CDH13: variants seen among roughly 807,000 people sequenced by gnomAD.
The protein encoded by CDH13 is cadherin 13.
A neutral mutation model predicts 63.8 loss-of-function variants in CDH13; 24 were observed. The ratio of observed to expected loss-of-function variants is 0.38; its 90% confidence interval spans 0.27 to 0.53. The LOEUF (loss-of-function observed/expected upper bound fraction) is 0.53. CDH13 is among the 20% of genes least tolerant of loss of function. The pLI is 0.85. For missense variants in CDH13, 1,049 were observed against 903.1 expected (o/e 1.16, Z -2.07); for synonymous variants, 503 against 355.3 (o/e 1.42, Z -4.67).
At chr16:82,928,102 C>G (rs1256760193) in intron 2 of CDH13, among the ~76,000 whole-genome samples, 4 of 152,012 alleles carry the variant, frequency 2.6e-5, no homozygotes, top group African/African-American at 9.7e-5. Context: ...GAACTATGAT[C>G]ATACCATTTG....
chr16:83,673,870 A>C (rs1567505686), intron 9 of CDH13, among the ~76,000 whole-genome samples: 2 of 152,140 alleles, frequency 1.3e-5, no homozygotes, highest in Non-Finnish European at 2.9e-5. Context: ...CTCCCTGCAA[A>C]TTCCAGGGGA....
At chr16:83,779,836 C>G (rs556042954) in intron 11 of CDH13, 132 bp from the exon 12 acceptor site, 1 of 632,434 alleles carries the variant, frequency 1.6e-6, no homozygotes, top group African/African-American at 1.8e-5. Context: ...CCAGTCTGGG[C>G]GATAGAGTGA....
At chr16:83,108,964 C>A (rs540868087) in intron 3 of CDH13, among the ~76,000 whole-genome samples, 1 of 152,182 alleles carries the variant, frequency 6.6e-6, no homozygotes, top group South Asian at 2.1e-4. Context: ...CCCTTCCCCT[C>A]CCTGCCTCAC....
intron 11 of CDH13, among the ~76,000 whole-genome samples, chr16:83,759,647 C>G (rs1401491757): frequency 2.6e-5 from 4 of 152,054 alleles, no homozygotes; most frequent in Non-Finnish European, 5.9e-5. Context: ...TGCTGCAGGC[C>G]TGGTACAGTG....
intron 3 of CDH13, among the ~76,000 whole-genome samples, chr16:83,098,571 A>G (rs922227811): frequency 3.9e-5 from 6 of 152,168 alleles, no homozygotes; most frequent in Non-Finnish European, 8.8e-5. Context: ...TTGTATGTGC[A>G]TCTGAAAAAG....
At chr16:82,851,450 A>T (rs1467498599) in intron 1 of CDH13, among the ~76,000 whole-genome samples, 2 of 40,254 alleles carry the variant, frequency 5.0e-5, no homozygotes, top group South Asian at 6.6e-4. Context: ...AAAAATAAAA[A>T]GAAAAAGAAA....
intron 6 of CDH13, among the ~76,000 whole-genome samples, chr16:83,461,600 A>G (rs2073184010): frequency 1.3e-5 from 2 of 152,180 alleles, no homozygotes; most frequent in South Asian, 2.1e-4. Context: ...CTTCTGTACA[A>G]GTGTCTGCCC....
At chr16:83,539,193 G>A (rs2075254339) in intron 7 of CDH13, among the ~76,000 whole-genome samples, 1 of 152,018 alleles carries the variant, frequency 6.6e-6, no homozygotes, top group Non-Finnish European at 1.5e-5. Context: ...CAAGGGTGGG[G>A]GATGGTTTCA....
rs1370098784 is a variant in CDH13, at chr16:83,098,769, A to G, written c.367-26616A>G. On this transcript the variant is annotated intron_variant, in intron 3 of 13. Coordinates refer to ENST00000567109, the MANE Select transcript of CDH13 (RefSeq NM_001257.5). ...GTGTGCCATGTGTCTTCTTCCCTCT[A>G]GCTGCTCTCAAGAATTTATTTTTAT... Among the ~76,000 whole-genome samples the G allele has an allele frequency of 2.6e-5, 4 of 152,094 alleles. No homozygotes were observed. The East Asian group carries it at 7.7e-4, about 29-fold the overall frequency.
At chr16:83,331,289 G>A (rs1048901258) in intron 5 of CDH13, among the ~76,000 whole-genome samples, 1 of 152,206 alleles carries the variant, frequency 6.6e-6, no homozygotes, top group African/African-American at 2.4e-5. Context: ...TAAAGCTGAG[G>A]AGACCAAGTT....
rs535747177 is a variant in CDH13 at position 83,092,302 on chromosome 16, CG to C, written c.367-33082del. On this transcript the variant is annotated intron_variant, in intron 3 of 13. Transcript: ENST00000567109. ...TGCCTTAAATGCCTCCCACTGTCACCGTGTTGATTTGTATAACCTTTGTCTT... is the reference window on the plus strand; with the variant it reads ...TGCCTTAAATGCCTCCCACTGTCACCTGTTGATTTGTATAACCTTTGTCTT... Among the ~76,000 whole-genome samples, 201 of 152,292 alleles carry C rather than the reference CG, an allele frequency of 1.3e-3. 1 individual carries two copies. The highest frequency in any genetic ancestry group is 2.3e-3 in the Non-Finnish European group (155 of 68,024).
chr16:83,380,573 C>A (rs2091544878), intron 6 of CDH13, among the ~76,000 whole-genome samples: 1 of 152,148 alleles, frequency 6.6e-6, no homozygotes, highest in Admixed American at 6.5e-5. Flanking sequence ...ATTCAGAGGT[C>A]TGTATAGGGC....
At chr16:82,994,298 T>G (rs965518466) in intron 2 of CDH13, among the ~76,000 whole-genome samples, 2 of 152,146 alleles carry the variant, frequency 1.3e-5, no homozygotes, top group African/African-American at 4.8e-5. Flanking sequence ...CTCCTCCTCA[T>G]CCTGACTTAG....
At chr16:83,174,449 C>G (rs1390630729) in intron 4 of CDH13, among the ~76,000 whole-genome samples, 1 of 151,850 alleles carries the variant, frequency 6.6e-6, no homozygotes, top group African/African-American at 2.4e-5. Context: ...GCAGCAAGAC[C>G]GAAGCAAATG....
intron 2 of CDH13, among the ~76,000 whole-genome samples, chr16:82,878,124 AG>A (rs1166654983): frequency 6.6e-6 from 1 of 152,082 alleles, no homozygotes; most frequent in Non-Finnish European, 1.5e-5. Flanking sequence ...AGATTGTCTG[AG>A]CCCCAAGGAA....
chr16:83,428,030 G>A (rs950673911), intron 6 of CDH13, among the ~76,000 whole-genome samples: 3 of 152,192 alleles, frequency 2.0e-5, no homozygotes, highest in Non-Finnish European at 4.4e-5. Context: ...AAATTTTAGA[G>A]AATCGGTCTC....
At chr16:83,101,436 C>CA (rs201355615) in intron 3 of CDH13, among the ~76,000 whole-genome samples, 14,496 of 135,324 alleles carry the variant, frequency 0.11, 753 homozygotes, top group South Asian at 0.13. Flanking sequence ...GTGATATTGC[C>CA]AAAAAAAAAA....
intron 10 of CDH13, 60 bp from the exon 11 acceptor site, chr16:83,748,048 G>A: frequency 6.3e-7 from 1 of 1,594,536 alleles, no homozygotes; most frequent in Admixed American, 1.7e-5. Flanking sequence ...CCTGCACTCT[G>A]TAAATGTTTC....
chr16:82,997,677 T>G lies in CDH13; in HGVS notation c.158-34333T>G, dbSNP rs532501571. Among the ~76,000 whole-genome samples, 3 of 152,324 alleles carry G rather than the reference T, an allele frequency of 2.0e-5. No individual in the cohort carries two copies. The South Asian group carries it at 6.2e-4, about 32-fold the overall frequency. ...GGTGAAAATACTGGGCACAAGAGAT[T>G]TTTCCACAATCACATAGCTAATATA... On this transcript the variant is annotated intron_variant, in intron 2 of 13. Transcript: ENST00000567109.
Sources: allele counts gnomAD v4.1 joint callset (sites outside exome capture counted in the v4.1 genomes callset), GRCh38; gene constraint gnomAD v4.1.1; transcripts MANE v1.5; gene names NCBI Gene and HGNC (gene_info 2026-07-23, HGNC 2026-07-21).